The following MBD5 variants were observed in gnomAD, a reference collection of about 807,000 sequenced individuals.
MBD5 encodes the protein methyl-CpG-binding domain protein 5.
A neutral mutation model predicts 117.3 loss-of-function variants in MBD5; 13 were observed. The ratio of observed to expected loss-of-function variants is 0.11; its 90% confidence interval spans 0.07 to 0.18. The LOEUF (loss-of-function observed/expected upper bound fraction) is 0.18. Among genes scored for constraint, MBD5 ranks in the 10% least tolerant of loss-of-function variants. MBD5 has a pLI of 1.00. For missense variants in MBD5, 1,879 were observed against 2,093.8 expected (o/e 0.90, Z 2.00); for synonymous variants, 727 against 766.4 (o/e 0.95, Z 0.85).
At chr2:148,509,945 A>G (rs752218752) in intron 12 of MBD5, 115 bp from the exon 13 acceptor site, 35 of 758,998 alleles carry the variant, frequency 4.6e-5, no homozygotes, top group Non-Finnish European at 7.9e-5. Flanking sequence ...TCCAAACGCG[A>G]GTATAAATTG....
intron 3 of MBD5, among the ~76,000 whole-genome samples, chr2:148,285,665 G>A (rs1701352066): frequency 6.6e-6 from 1 of 152,094 alleles, no homozygotes; most frequent in Non-Finnish European, 1.5e-5. Context: ...GAATATCTGA[G>A]AATAATATGC....
intron 13 of MBD5, chr2:148,512,355 A>C (rs2105291666): frequency 5.6e-6 from 1 of 178,424 alleles, no homozygotes; most frequent in East Asian, 1.4e-4. Flanking sequence ...TCTTCTTATG[A>C]ACAAACATCC....
At chr2:148,048,195 G>A (rs1694586471) in intron 1 of MBD5, among the ~76,000 whole-genome samples, 1 of 152,118 alleles carries the variant, frequency 6.6e-6, no homozygotes, top group East Asian at 1.9e-4. Flanking sequence ...ATGGTTTTTG[G>A]AAGATTCAGA....
At chr2:148,408,316 C>A (rs1188334563) in intron 4 of MBD5, among the ~76,000 whole-genome samples, 5 of 152,128 alleles carry the variant, frequency 3.3e-5, no homozygotes, top group Admixed American at 3.3e-4. Flanking sequence ...GCCTCCTAAG[C>A]CAACTTCAGT....
chr2:148,254,220 G>A (rs757504631), intron 3 of MBD5, among the ~76,000 whole-genome samples: 1 of 152,168 alleles, frequency 6.6e-6, no homozygotes, highest in Non-Finnish European at 1.5e-5. Flanking sequence ...TGACCCACTC[G>A]CAGGGCTGCT....
At chr2:148,060,378 TAA>T (rs1214506628) in intron 1 of MBD5, among the ~76,000 whole-genome samples, 1 of 145,128 alleles carries the variant, frequency 6.9e-6, no homozygotes. Flanking sequence ...GTATGTTTTG[TAA>T]AAAAAAAAAG....
intron 1 of MBD5, among the ~76,000 whole-genome samples, chr2:148,161,422 G>C (rs1698004414): frequency 6.6e-6 from 1 of 152,156 alleles, no homozygotes; most frequent in South Asian, 2.1e-4. Flanking sequence ...TAGGGACCAA[G>C]AAAGACTTTA....
At chr2:148,330,193 CT>C (rs75296263) in intron 3 of MBD5, among the ~76,000 whole-genome samples, 1 of 128,550 alleles carries the variant, frequency 7.8e-6, no homozygotes, top group Non-Finnish European at 1.7e-5. Context: ...AGACTCCCAG[CT>C]TCTCTCTCTC....
Position 148,485,831 on chromosome 2 carries a change from A to C in MBD5, c.3634A>C (p.Asn1212His). ...LLNNNQMFPP[N>H]QQQQQLLQGY... ...AAACAACAATCAGATGTTTCCTCCA[A>C]ATCAGCAACAGCAGCAACTTCTCCA... The change falls in exon 10 of 14, where the codon AAT (asparagine) becomes CAT (histidine). Residue 1212 changes from asparagine to histidine, a missense_variant. By Grantham distance (68) the Asn-to-His change is moderately conservative. This residue lies in a region of MBD5 where 1,666 missense variants were observed against 1,792.2 expected (regional missense o/e 0.93). Coordinates refer to ENST00000642680, the MANE Select transcript of MBD5 (RefSeq NM_001378120.1). 1 of 1,614,108 alleles carries C rather than the reference A, an allele frequency of 6.2e-7. No individual in the cohort carries two copies. The highest frequency in any genetic ancestry group is 8.5e-7 in the Non-Finnish European group (1 of 1,179,958).
chr2:148,415,447 A>T lies in MBD5; in HGVS notation c.-556-42756A>T, dbSNP rs181635158. ...GAGAATCTGAGGCTGTGTGTTGAGG[A>T]TGTTCATCTTGTATAGTGTCTTGCA... On this transcript the variant is annotated intron_variant, in intron 4 of 13. Transcript: ENST00000642680. Among the ~76,000 whole-genome samples the T allele has an allele frequency of 1.1e-4, 16 of 152,048 alleles. No individual in the cohort carries two copies. The East Asian group carries it at 3.1e-3, about 29-fold the overall frequency.
Position 148,499,961 on chromosome 2 carries a change from A to G in MBD5, c.4963-2475A>G, listed in dbSNP as rs535793755. 5.3e-5 allele frequency among the ~76,000 whole-genome samples: 8 copies of G among 152,322 alleles called. No homozygotes were observed. The East Asian group carries it at 1.3e-3, about 26-fold the overall frequency. ...TCTTCTGAATATGTATGATCTTGTT[A>G]TAGCAGAAATGCACAGTGATATATA... On this transcript the variant is annotated intron_variant, in intron 11 of 13. Transcript: ENST00000642680.
intron 3 of MBD5, among the ~76,000 whole-genome samples, chr2:148,318,688 C>T (rs1259057537): frequency 6.6e-6 from 1 of 151,924 alleles, no homozygotes; most frequent in Non-Finnish European, 1.5e-5. Flanking sequence ...TTCCCAGTAC[C>T]CCTTGTTGAA....
intron 3 of MBD5, among the ~76,000 whole-genome samples, chr2:148,286,911 TAATG>T (rs1701380650): frequency 6.6e-6 from 1 of 152,208 alleles, no homozygotes; most frequent in Non-Finnish European, 1.5e-5. Context: ...ACTGTGGGAA[TAATG>T]AAGAGCAACA....
chr2:148,088,558 G>A (rs1695857125), intron 1 of MBD5, among the ~76,000 whole-genome samples: 1 of 152,076 alleles, frequency 6.6e-6, no homozygotes, highest in South Asian at 2.1e-4. Context: ...CCTATTTTTA[G>A]CCTCTTCAAA....
At chr2:148,299,839 G>A (rs1454561102) in intron 3 of MBD5, among the ~76,000 whole-genome samples, 1 of 152,078 alleles carries the variant, frequency 6.6e-6, no homozygotes. Context: ...TTTTATATTT[G>A]CCCATAGTTT....
chr2:148,167,945 A>T (rs1439553854), intron 1 of MBD5, among the ~76,000 whole-genome samples: 1 of 152,222 alleles, frequency 6.6e-6, no homozygotes, highest in Non-Finnish European at 1.5e-5. Flanking sequence ...TAGACTGCTG[A>T]CTGGTAAAAC....
At chr2:148,141,317 C>T (rs889559501) in intron 1 of MBD5, among the ~76,000 whole-genome samples, 4 of 152,138 alleles carry the variant, frequency 2.6e-5, no homozygotes, top group African/African-American at 9.7e-5. Context: ...TGGAGACACT[C>T]CTACAAATAG....
rs1343513369 is a variant in MBD5 at position 148,490,484 on chromosome 2, G to A, written c.4852G>A (p.Val1618Ile). 1 of 1,614,198 alleles carries A rather than the reference G, an allele frequency of 6.2e-7. No homozygotes were observed. Among genetic ancestry groups the A allele is most frequent in the East Asian group, 2.2e-5 (1 of 44,878 alleles). ...LIHYRPRTFN[V>I]GDLVWGQIKG... ...ACATTATAGACCAAGGACGTTCAAT[G>A]TTGGCGACTTGGTCTGGGGCCAAAT... The change falls in exon 11 of 14, where the codon GTT becomes ATT. Residue 1618 changes from valine to isoleucine, a missense_variant. Around this residue, in one of 4 missense-constraint regions of MBD5, gnomAD observed 135 missense variants for 148.0 expected, o/e 0.91. Coordinates refer to ENST00000642680, the MANE Select transcript of MBD5 (RefSeq NM_001378120.1).
chr2:148,492,502 A>G (rs1216117731), intron 11 of MBD5, among the ~76,000 whole-genome samples: 1 of 152,116 alleles, frequency 6.6e-6, no homozygotes, highest in African/African-American at 2.4e-5. Flanking sequence ...GTAATAAAAT[A>G]TTAATGATAA....
Sources: gnomAD v4.1 joint callset for allele counts (sites outside exome capture counted in the v4.1 genomes callset) on GRCh38, gnomAD v4.1.1 for gene constraint, gnomAD v4.1.1 regional missense constraint, MANE v1.5 for transcripts, NCBI Gene and HGNC (gene_info 2026-07-23, HGNC 2026-07-21) for gene names.